UPRT: variants seen among roughly 807,000 people sequenced by gnomAD.
UPRT encodes RP11-311P8.3.
In UPRT, 5 loss-of-function variants were observed where a neutral mutation model predicts 22.6. The observed-to-expected ratio is 0.22, with a 90% CI of 0.12 to 0.47. The LOEUF is 0.47. Among genes scored for constraint, UPRT ranks in the 20% least tolerant of loss-of-function variants. The pLI, the probability that UPRT is intolerant of heterozygous loss-of-function variation, is 0.99. For missense variants in UPRT, 181 were observed against 239.9 expected, an observed-to-expected ratio of 0.75 and a Z score of 1.62; for synonymous variants, 77 against 87.7, an observed-to-expected ratio of 0.88 and a Z score of 0.68.
At chrX:75,236,019 C>G (rs765540100) in intron 4 of UPRT, among the ~76,000 whole-genome samples, 14 of 110,989 alleles carry the variant, frequency 1.3e-4, no homozygotes, top group African/African-American at 4.3e-4. Flanking sequence ...TCCCTGTTTG[C>G]AGAAGACATG....
intron 4 of UPRT, among the ~76,000 whole-genome samples, chrX:75,228,539 G>A (rs1602462006): frequency 1.8e-5 from 2 of 111,734 alleles, no homozygotes; most frequent in East Asian, 2.8e-4. Context: ...GCATTATTAT[G>A]CCTATAGCAG....
chrX:75,296,751 G>A (rs1289516157), intron 3 of UPRT, among the ~76,000 whole-genome samples: 2 of 111,498 alleles, frequency 1.8e-5, no homozygotes, highest in Non-Finnish European at 3.8e-5. Flanking sequence ...GCACAAATGG[G>A]CAAGTCTGTT....
intron 1 of UPRT, among the ~76,000 whole-genome samples, chrX:75,279,777 T>G (rs193127929): frequency 0.011 from 1,211 of 110,829 alleles, 8 homozygotes; most frequent in Non-Finnish European, 0.017. Flanking sequence ...ATATTTGTAG[T>G]CTTTTATCCC....
intron 4 of UPRT, among the ~76,000 whole-genome samples, chrX:75,238,445 C>T (rs1406159181): frequency 9.0e-6 from 1 of 111,569 alleles, no homozygotes; most frequent in Non-Finnish European, 1.9e-5. Context: ...ATCATAAATA[C>T]ATATGCACCT....
intron 4 of UPRT, among the ~76,000 whole-genome samples, chrX:75,257,609 G>A (rs1355119806): frequency 9.0e-6 from 1 of 111,519 alleles, no homozygotes. Flanking sequence ...TGTTTACCTA[G>A]AAAACCCTAA....
chrX:75,184,010 A>G (rs1475101550), intron 4 of UPRT, among the ~76,000 whole-genome samples: 1 of 112,226 alleles, frequency 8.9e-6, no homozygotes, highest in Non-Finnish European at 1.9e-5. Flanking sequence ...TTTGCTGTGC[A>G]GAAGCACTTT....
chrX:75,190,387 C>A (rs187640736), intron 4 of UPRT, among the ~76,000 whole-genome samples: 31 of 111,881 alleles, frequency 2.8e-4, no homozygotes, highest in Non-Finnish European at 4.3e-4. Flanking sequence ...GTAACCCGAC[C>A]TTTCTCTCTG....
chrX:75,249,408 T>A (rs2082519905), intron 4 of UPRT, among the ~76,000 whole-genome samples: 1 of 111,441 alleles, frequency 9.0e-6, no homozygotes, highest in South Asian at 3.8e-4. Context: ...GTGGTTGCAA[T>A]CCTAGTCTCT....
chrX:75,265,180 G>T lies in UPRT; in HGVS notation c.-446-25844G>T, dbSNP rs1225895651. On this transcript the variant is annotated intron_variant, in intron 4 of 13. Transcript: ENST00000652605. The stretch of plus-strand genomic sequence containing the variant: ...GTCTTGGAGTTGCTCTTCTCGAGGA[G>T]TATCTTCGTGGCATTCTCTGTATTT... Among the ~76,000 whole-genome samples, 4 of 111,079 alleles carry T rather than the reference G, an allele frequency of 3.6e-5. No individual in the cohort carries two copies. In the East Asian group the frequency reaches 1.1e-3, roughly 31 times the overall value.
chrX:75,248,413 C>A (rs1002644667), intron 4 of UPRT, among the ~76,000 whole-genome samples: 10 of 111,910 alleles, frequency 8.9e-5, no homozygotes, highest in African/African-American at 3.2e-4. Flanking sequence ...GTGACAAATG[C>A]ACAACTCTCA....
At chrX:75,261,492 C>T (rs934946042) in intron 4 of UPRT, among the ~76,000 whole-genome samples, 5 of 111,712 alleles carry the variant, frequency 4.5e-5, no homozygotes, top group Non-Finnish European at 9.4e-5. Context: ...TCTGAATACA[C>T]CAATAACACG....
intron 4 of UPRT, among the ~76,000 whole-genome samples, chrX:75,234,916 A>T (rs2082454723): frequency 9.0e-6 from 1 of 111,723 alleles, no homozygotes; most frequent in Non-Finnish European, 1.9e-5. Context: ...AGCTAGCAGA[A>T]GGCAAGAAAT....
In UPRT at chrX:75,286,523, T is replaced by C. The variant is rs962310028; in HGVS notation, c.387-6949T>C. ...TGTTTTTAGGTGATAAGTCACAAGA[T>C]TTTGCTTTAGTCATTGTTGGAAAGG... On this transcript the variant is annotated intron_variant, in intron 1 of 6. Coordinates refer to ENST00000373383, the MANE Select transcript of UPRT (RefSeq NM_145052.4). Among the ~76,000 whole-genome samples, 5 of 111,786 alleles carry C rather than the reference T, an allele frequency of 4.5e-5. 1 individual carries two copies. The Admixed American group carries it at 4.8e-4, about 11-fold the overall frequency.
At position 75,162,232 on chromosome X, in the gene UPRT, G is replaced by A. The variant is rs367793823; in HGVS notation, c.-614-900G>A. On this transcript the variant is annotated intron_variant, in intron 2 of 13. Transcript: ENST00000652605. ...CTCCCAAAGTGCTGAGATTACAGGC[G>A]TGAGCCACCACGCCCAGCAGGTATA... Among the ~76,000 whole-genome samples, 8 of 109,272 alleles carry A rather than the reference G, an allele frequency of 7.3e-5. No homozygotes were observed. In the East Asian group the frequency reaches 1.2e-3, roughly 16 times the overall value. 94.9% of individuals were successfully genotyped at this position (109,272 alleles called of 115,157 possible). A position where few individuals can be genotyped will look rare whatever the true frequency, so the allele number is the denominator to read the frequency against.
At chrX:75,227,423 C>T (rs760502645) in intron 4 of UPRT, among the ~76,000 whole-genome samples, 1 of 111,333 alleles carries the variant, frequency 9.0e-6, no homozygotes, top group South Asian at 3.9e-4. Context: ...CACAGACGTG[C>T]CATTGAACAA....
intron 4 of UPRT, among the ~76,000 whole-genome samples, chrX:75,210,070 T>C (rs187461784): frequency 8.9e-6 from 1 of 111,860 alleles, no homozygotes; most frequent in African/African-American, 3.2e-5. Flanking sequence ...GTGGTATATT[T>C]AGTCATGGCC....
intron 1 of UPRT, among the ~76,000 whole-genome samples, chrX:75,292,330 G>A (rs1047476582): frequency 1.8e-5 from 2 of 111,851 alleles, no homozygotes; most frequent in East Asian, 5.6e-4. Flanking sequence ...GTGTGTGTAG[G>A]TATGTGTGGA....
At chrX:75,288,000 A>G (rs1050708260) in intron 1 of UPRT, among the ~76,000 whole-genome samples, 6 of 111,610 alleles carry the variant, frequency 5.4e-5, no homozygotes, top group Non-Finnish European at 9.4e-5. Flanking sequence ...TGACATTACA[A>G]ATAATCCCAT....
intron 4 of UPRT, among the ~76,000 whole-genome samples, chrX:75,170,238 T>C (rs1378650748): frequency 9.0e-6 from 1 of 110,941 alleles, no homozygotes; most frequent in Non-Finnish European, 1.9e-5. Flanking sequence ...GGTTTTGCCA[T>C]GTTGGCCAGG....
Sources: gnomAD v4.1 joint callset for allele counts (sites outside exome capture counted in the v4.1 genomes callset) on GRCh38, gnomAD v4.1.1 for gene constraint, MANE v1.5 for transcripts, NCBI Gene and HGNC (gene_info 2026-07-23, HGNC 2026-07-21) for gene names.